The following SYN1 variants were observed in gnomAD, a reference collection of about 807,000 sequenced individuals.
SYN1 encodes the protein synapsin-1.
Under a neutral mutation model 44.6 loss-of-function variants are expected in SYN1, and 8 were observed. The observed-to-expected ratio is 0.18, with a 90% confidence interval of 0.11 to 0.32. The LOEUF is 0.32. SYN1 is among the 10% of genes least tolerant of loss of function. The pLI, the probability that SYN1 is intolerant of heterozygous loss-of-function variation, is 1.00. For synonymous variants in SYN1, 275 were observed against 280.1 expected (o/e 0.98, Z 0.18); for missense variants, 451 against 639.4 (o/e 0.71, Z 3.18).
chrX:47,599,035 A>G (rs60617839), intron 5 of SYN1, among the ~76,000 whole-genome samples: 8,257 of 109,512 alleles, frequency 0.075, 712 homozygotes, highest in East Asian at 0.23. Flanking sequence ...AAAAATAAAA[A>G]TTTTTTAAAT....
At chrX:47,617,283 G>A (rs1393259471) in intron 1 of SYN1, among the ~76,000 whole-genome samples, 1 of 111,008 alleles carries the variant, frequency 9.0e-6, no homozygotes, top group Non-Finnish European at 1.9e-5. Flanking sequence ...TAGAGAGAGA[G>A]CTCTTGAGGC....
chrX:47,572,751 T>C lies in SYN1; in HGVS notation c.*113A>G. On this transcript the variant is annotated 3_prime_UTR_variant, in exon 13 of 13. Transcript: ENST00000295987. ...ATCTTGAGGAATGAGAGGTGGAATC[T>C]TGGAGAACCGGGAGATGGGTTCTCA... is the stretch of plus-strand genomic sequence containing the variant. The C allele has an allele frequency of 1.8e-6, 2 of 1,089,585 alleles. No individual in the cohort carries two copies. Among genetic ancestry groups the C allele is most frequent in the Non-Finnish European group, 2.5e-6 (2 of 792,828 alleles). 89.8% of individuals were successfully genotyped at this position (1,089,585 alleles called of 1,213,427 possible). A position where few individuals can be genotyped will look rare whatever the true frequency, so the allele number is the denominator to read the frequency against.
At chrX:47,594,959 T>A (rs1387605910) in intron 5 of SYN1, among the ~76,000 whole-genome samples, 1 of 111,170 alleles carries the variant, frequency 9.0e-6, no homozygotes, top group Non-Finnish European at 1.9e-5. Flanking sequence ...ACTCCCGACC[T>A]CAGGTGATCC....
At chrX:47,602,110 A>G (rs1233502494) in intron 5 of SYN1, among the ~76,000 whole-genome samples, 2 of 112,274 alleles carry the variant, frequency 1.8e-5, no homozygotes, top group Non-Finnish European at 3.8e-5. Context: ...GACACCTTAC[A>G]TTTACTAAGT....
At chrX:47,612,338 T>C (rs184708084) in intron 1 of SYN1, among the ~76,000 whole-genome samples, 2 of 110,564 alleles carry the variant, frequency 1.8e-5, no homozygotes, top group Non-Finnish European at 3.8e-5. Context: ...AGCTGGGTCC[T>C]GCTGGGCCCG....
At position 47,619,525 on chromosome X, in the gene SYN1, G is replaced by T; in HGVS notation, c.204C>A (p.Pro68=). 1 of 1,194,859 alleles carries T rather than the reference G, an allele frequency of 8.4e-7. No individual in the cohort carries two copies. The highest frequency in any genetic ancestry group is 3.0e-5 in the East Asian group (1 of 33,271). Reference sequence around the variant, plus strand: ...AGAAGCCACCGCCCCCCGAGGACCCGGGGCTAGGGGCGGCCGGAGAGGCCG... The same window carrying T: ...AGAAGCCACCGCCCCCCGAGGACCCTGGGCTAGGGGCGGCCGGAGAGGCCG... ...APAASPAAPS[P]GSSGGGGFFS... Residue 68 remains proline (P), a synonymous_variant, in exon 1 of 13, where the codon CCC becomes CCA. Coordinates refer to ENST00000295987, the MANE Select transcript of SYN1 (RefSeq NM_006950.3).
In SYN1 at chrX:47,576,523, T is replaced by G; in HGVS notation, c.955A>C (p.Ile319Leu). The change falls in exon 7 of 13, where the codon ATT becomes CTT. Residue 319 changes from isoleucine to leucine, a missense_variant. Around this residue, in one of 3 missense-constraint regions of SYN1, gnomAD observed 315 missense variants for 451.4 expected, o/e 0.70. Coordinates refer to ENST00000295987, the MANE Select transcript of SYN1 (RefSeq NM_006950.3). ...ATGTAGGCCTTGTAGTTCTGCCCAA[T>G]CTTCTGGACACGCACGTCATATTTG... ...DAKYDVRVQK[I>L]GQNYKAYMRT... is the part of the protein sequence containing the mutation. 1 of 1,211,773 alleles carries G rather than the reference T, an allele frequency of 8.3e-7. No individual in the cohort carries two copies. The highest frequency in any genetic ancestry group is 3.0e-5 in the East Asian group (1 of 33,834).
At chrX:47,608,291 G>GAAGGGGAAGGAA (rs754915221) in intron 1 of SYN1, among the ~76,000 whole-genome samples, 1 of 28,172 alleles carries the variant, frequency 3.5e-5, no homozygotes, top group Non-Finnish European at 6.3e-5. Context: ...AGGAAGGAAG[G>GAAGGGGAAGGAA]GGAAGGAAGG....
At chrX:47,582,778 A>G (rs1358627920) in intron 5 of SYN1, among the ~76,000 whole-genome samples, 1 of 84,351 alleles carries the variant, frequency 1.2e-5, no homozygotes, top group Non-Finnish European at 2.2e-5. Context: ...AATTTCCCTC[A>G]TCGCCCCCTA....
intron 3 of SYN1, among the ~76,000 whole-genome samples, chrX:47,606,082 G>A (rs951167359): frequency 3.7e-5 from 4 of 109,166 alleles, no homozygotes; most frequent in Non-Finnish European, 5.7e-5. Flanking sequence ...TAGTAGAGAC[G>A]GGGTTTCACC....
Position 47,607,131 on chromosome X carries a change from C to T in SYN1, c.435+10G>A, listed in dbSNP as rs771547188. The T allele has an allele frequency of 4.5e-5, 55 of 1,209,067 alleles. No homozygotes were observed. The highest frequency in any genetic ancestry group is 5.8e-5 in the Non-Finnish European group (52 of 894,551). ...ACAACTGACCCCCAGGTCCAAATGTCCCAACTTACCTGTTCTACTTTAATG... is the reference window on the plus strand; with the variant it reads ...ACAACTGACCCCCAGGTCCAAATGTTCCAACTTACCTGTTCTACTTTAATG... On this transcript the variant is annotated intron_variant, in intron 2 of 12. Coordinates refer to ENST00000295987, the MANE Select transcript of SYN1 (RefSeq NM_006950.3).
At chrX:47,615,930 C>T (rs2057930090) in intron 1 of SYN1, among the ~76,000 whole-genome samples, 1 of 111,104 alleles carries the variant, frequency 9.0e-6, no homozygotes, top group African/African-American at 3.3e-5. Context: ...GACAAAATTA[C>T]CCACAAAATG....
At chrX:47,603,908 T>A (rs5906438) in intron 5 of SYN1, among the ~76,000 whole-genome samples, 16,360 of 80,547 alleles carry the variant, frequency 0.2, 1,846 homozygotes, top group African/African-American at 0.4. Flanking sequence ...ATATATATAT[T>A]TTTTTTTTTT....
intron 1 of SYN1, among the ~76,000 whole-genome samples, chrX:47,615,846 C>T (rs1396609203): frequency 1.8e-5 from 2 of 109,666 alleles, no homozygotes. Context: ...GAGCCGAGAT[C>T]GTGCCATTGC....
chrX:47,614,801 C>G (rs1569332644), intron 1 of SYN1, among the ~76,000 whole-genome samples: 1 of 112,233 alleles, frequency 8.9e-6, no homozygotes, highest in Non-Finnish European at 1.9e-5. Flanking sequence ...GGGCAGCCTA[C>G]AGCCAATGAC....
At chrX:47,575,855 G>A (rs921030226) in intron 9 of SYN1, among the ~76,000 whole-genome samples, 3 of 111,875 alleles carry the variant, frequency 2.7e-5, no homozygotes, top group Non-Finnish European at 3.8e-5. Context: ...TACTTTAAAG[G>A]TTACTAAGTG....
intron 5 of SYN1, among the ~76,000 whole-genome samples, chrX:47,582,822 C>T (rs1449016637): frequency 1.0e-5 from 1 of 99,758 alleles, no homozygotes; most frequent in Non-Finnish European, 2.0e-5. Flanking sequence ...GCTCCCTAAA[C>T]TCCCCCAGCT....
chrX:47,601,352 C>A (rs1170681613), intron 5 of SYN1, among the ~76,000 whole-genome samples: 4 of 111,931 alleles, frequency 3.6e-5, no homozygotes, highest in African/African-American at 1.3e-4. Flanking sequence ...TGGAAAATCT[C>A]AATAGACCTA....
intron 5 of SYN1, among the ~76,000 whole-genome samples, chrX:47,587,207 C>T (rs192997010): frequency 5.3e-5 from 6 of 112,739 alleles, no homozygotes; most frequent in Non-Finnish European, 9.4e-5. Context: ...ATCATTGCCT[C>T]AAGCACAGTC....
Sources: gnomAD v4.1 joint callset for allele counts (sites outside exome capture counted in the v4.1 genomes callset) on GRCh38, gnomAD v4.1.1 for gene constraint, gnomAD v4.1.1 regional missense constraint, MANE v1.5 for transcripts, NCBI Gene and HGNC (gene_info 2026-07-23, HGNC 2026-07-21) for gene names.